Variants in ERC2 observed in about 807,000 individuals in gnomAD.
The protein encoded by ERC2 is ERC protein 2.
ERC2 carries 42 observed loss-of-function variants against 114.8 expected under a neutral mutation model. The observed-to-expected ratio is 0.37, with a 90% CI of 0.29 to 0.47. ERC2 has a LOEUF of 0.47. ERC2 is among the 20% of genes least tolerant of loss of function. The probability of loss-of-function intolerance (pLI) is 0.99; values close to 1 mark genes in which losing one functional copy is unlikely to be tolerated. For synonymous variants in ERC2, 454 were observed against 425.5 expected (o/e 1.07, Z -0.82); for missense variants, 939 against 1,150.7 (o/e 0.82, Z 2.66).
At chr3:55,731,252 C>T (rs2065237334) in intron 15 of ERC2, among the ~76,000 whole-genome samples, 2 of 152,188 alleles carry the variant, frequency 1.3e-5, no homozygotes, top group Admixed American at 1.3e-4. Context: ...GCCACAGTTG[C>T]CACAGCTCAA....
intron 12 of ERC2, among the ~76,000 whole-genome samples, chr3:55,961,534 A>T (rs2068363326): frequency 6.6e-6 from 1 of 152,038 alleles, no homozygotes; most frequent in South Asian, 2.1e-4. Flanking sequence ...CAGTGATCAC[A>T]CCTACCTTCT....
intron 6 of ERC2, among the ~76,000 whole-genome samples, chr3:56,092,328 G>A (rs530557018): frequency 3.9e-5 from 6 of 152,140 alleles, no homozygotes; most frequent in South Asian, 4.1e-4. Flanking sequence ...CACCTACATG[G>A]GAGAATTCAT....
At chr3:56,285,100 C>G (rs903637107) in intron 3 of ERC2, among the ~76,000 whole-genome samples, 1 of 147,934 alleles carries the variant, frequency 6.8e-6, no homozygotes, top group East Asian at 2.1e-4. Context: ...CAAGCTCCCC[C>G]CCATCCCTAC....
chr3:56,285,277 G>T (rs941259354), intron 3 of ERC2, among the ~76,000 whole-genome samples: 2 of 151,730 alleles, frequency 1.3e-5, no homozygotes, highest in Non-Finnish European at 2.9e-5. Flanking sequence ...AGAACGGATG[G>T]GTCACTCTAT....
At chr3:55,576,635 G>A (rs1010771097) in intron 17 of ERC2, among the ~76,000 whole-genome samples, 3 of 152,260 alleles carry the variant, frequency 2.0e-5, no homozygotes, top group South Asian at 2.1e-4. Flanking sequence ...TCTGAACTCC[G>A]AGCCAAGCCA....
chr3:56,415,943 G>C (rs2061135337), intron 2 of ERC2, among the ~76,000 whole-genome samples: 1 of 152,184 alleles, frequency 6.6e-6, no homozygotes, highest in African/African-American at 2.4e-5. Flanking sequence ...AGTCATAACA[G>C]CATTGACTTT....
At chr3:56,447,380 G>A (rs1353032382) in intron 1 of ERC2, among the ~76,000 whole-genome samples, 2 of 152,234 alleles carry the variant, frequency 1.3e-5, no homozygotes, top group African/African-American at 2.4e-5. Context: ...TCCATATCCC[G>A]CTCGCTCTGG....
intron 12 of ERC2, among the ~76,000 whole-genome samples, chr3:55,980,683 T>C (rs1359870126): frequency 2.0e-5 from 3 of 151,846 alleles, no homozygotes; most frequent in African/African-American, 7.3e-5. Flanking sequence ...CTGATATTCA[T>C]CCATATGGTA....
chr3:55,821,111 A>C (rs1345170247), intron 14 of ERC2, among the ~76,000 whole-genome samples: 1 of 152,178 alleles, frequency 6.6e-6, no homozygotes, highest in Admixed American at 6.5e-5. Context: ...TTCTTCTGAA[A>C]ATGAATCCTT....
At chr3:56,258,074 A>G (rs114535631) in intron 3 of ERC2, among the ~76,000 whole-genome samples, 2 of 152,308 alleles carry the variant, frequency 1.3e-5, no homozygotes, top group African/African-American at 4.8e-5. Context: ...CAAAAAGGGC[A>G]GCCAAACTCC....
At chr3:56,151,683 C>T (rs536674083) in intron 4 of ERC2, among the ~76,000 whole-genome samples, 1 of 152,170 alleles carries the variant, frequency 6.6e-6, no homozygotes, top group East Asian at 1.9e-4. Context: ...TTTTAAAAAT[C>T]GCTAACACTA....
chr3:56,122,177 A>T lies in ERC2; in HGVS notation c.1473+17332T>A, dbSNP rs1397415656. Among the ~76,000 whole-genome samples, 3 of 152,378 alleles carry T rather than the reference A, an allele frequency of 2.0e-5. No individual in the cohort carries two copies. The South Asian group carries it at 6.2e-4, about 32-fold the overall frequency. ...TGTGGAGTAATGAGTAGCCATTGACAGGGAGGCAGGTCAGTATGCACAGAT... is the reference window on the plus strand; with the variant it reads ...TGTGGAGTAATGAGTAGCCATTGACTGGGAGGCAGGTCAGTATGCACAGAT... On this transcript the variant is annotated intron_variant, in intron 6 of 17. Transcript: ENST00000288221.
intron 7 of ERC2, among the ~76,000 whole-genome samples, chr3:56,070,806 A>G (rs948403183): frequency 2.0e-5 from 3 of 152,238 alleles, no homozygotes; most frequent in African/African-American, 7.2e-5. Flanking sequence ...GTGGGCCAAG[A>G]AAGTGTGGTC....
chr3:55,917,695 G>A (rs1168300724), intron 13 of ERC2, among the ~76,000 whole-genome samples: 1 of 152,032 alleles, frequency 6.6e-6, no homozygotes, highest in Non-Finnish European at 1.5e-5. Context: ...TTCCTTTTGA[G>A]GTAACAAAAA....
chr3:55,625,731 A>T (rs146694914), intron 17 of ERC2, among the ~76,000 whole-genome samples: 1,905 of 152,290 alleles, frequency 0.013, 17 homozygotes, highest in Non-Finnish European at 0.02. Context: ...AGCCTGGGCG[A>T]CAGAGCGAGA....
chr3:56,183,484 T>G (rs2150049468), intron 3 of ERC2, among the ~76,000 whole-genome samples: 1 of 152,330 alleles, frequency 6.6e-6, no homozygotes, highest in South Asian at 2.1e-4. Flanking sequence ...ATCATTGAAA[T>G]GTATCCTTAT....
intron 14 of ERC2, among the ~76,000 whole-genome samples, chr3:55,755,940 A>G (rs566072578): frequency 6.6e-6 from 1 of 152,316 alleles, no homozygotes; most frequent in East Asian, 1.9e-4. Flanking sequence ...GAAGAAACTA[A>G]GAGCTCAAGA....
intron 6 of ERC2, among the ~76,000 whole-genome samples, chr3:56,124,862 C>A (rs1356649838): frequency 6.6e-6 from 1 of 152,146 alleles, no homozygotes; most frequent in Non-Finnish European, 1.5e-5. Flanking sequence ...TATATAAATT[C>A]TATAACTGAA....
chr3:55,939,354 T>C (rs1014507961), intron 13 of ERC2, among the ~76,000 whole-genome samples: 4 of 152,352 alleles, frequency 2.6e-5, no homozygotes, highest in Admixed American at 2.6e-4. Flanking sequence ...TTCCATAAAA[T>C]GCTAATACTT....
Sources: gnomAD v4.1 joint callset for allele counts (sites outside exome capture counted in the v4.1 genomes callset) on GRCh38, gnomAD v4.1.1 for gene constraint, MANE v1.5 for transcripts, NCBI Gene and HGNC (gene_info 2026-07-23, HGNC 2026-07-21) for gene names.